The following ZNF776 variants were observed in gnomAD, a reference collection of about 807,000 sequenced individuals.
The protein encoded by ZNF776 is zinc finger protein 776.
A neutral mutation model predicts 7.0 loss-of-function variants in ZNF776; 4 were observed. The observed-to-expected ratio is 0.57, with a 90% confidence interval of 0.28 to 1.31. ZNF776 has a LOEUF of 1.31. Ranked by LOEUF, ZNF776 falls within the 50% of genes most tolerant of loss-of-function variation. The pLI is 0.10. For missense variants in ZNF776, 555 were observed against 625.9 expected (o/e 0.89, Z 1.21); for synonymous variants, 212 against 213.7 (o/e 0.99, Z 0.07).
At chr19:57,748,285 C>T (rs1401878587) in intron 1 of ZNF776, among the ~76,000 whole-genome samples, 6 of 152,076 alleles carry the variant, frequency 3.9e-5, no homozygotes, top group African/African-American at 9.7e-5. Flanking sequence ...ATCAGGATCC[C>T]GAGGTTTTTG....
intron 2 of ZNF776, among the ~76,000 whole-genome samples, 175 bp downstream of exon 2, chr19:57,751,086 C>T (rs761165483): frequency 5.6e-4 from 85 of 152,024 alleles, no homozygotes; most frequent in Non-Finnish European, 9.1e-4. Context: ...ACTGCCCTCT[C>T]TCTCCTTGAG....
rs145557229 is a variant in ZNF776, at chr19:57,751,013, C to T, written c.160+102C>T. ...GTTTTCCTCACTTCAGGAGCCTGGG[C>T]ACAGGTTCCTCTGTTAGTTCCCTGG... On this transcript the variant is annotated intron_variant, in intron 2 of 2. Coordinates refer to ENST00000317178, the MANE Select transcript of ZNF776 (RefSeq NM_173632.4). 1,978 of 1,373,500 alleles carry T rather than the reference C, an allele frequency of 1.4e-3. 3 individuals carry two copies. Among genetic ancestry groups the T allele is most frequent in the Non-Finnish European group, 1.8e-3 (1,830 of 1,033,298 alleles). The allele number at this position is 1,373,500 out of a possible 1,614,324, so 85.1% of individuals were successfully genotyped here.
Position 57,754,217 on chromosome 19 carries a change from C to T in ZNF776, c.1087C>T (p.Leu363Phe), listed in dbSNP as rs1301756220. 6.2e-7 allele frequency: 1 copy of T among 1,614,108 alleles called. No individual in the cohort carries two copies. The highest frequency in any genetic ancestry group is 2.2e-5 in the East Asian group (1 of 44,866). Residue 363 changes from leucine to phenylalanine, a missense_variant, in exon 3 of 3, where the codon CTC becomes TTC. Physicochemically the swap from Leu to Phe is conservative, Grantham distance 22. Coordinates refer to ENST00000317178, the MANE Select transcript of ZNF776 (RefSeq NM_173632.4). ...CGKSFNHKCNLIQHQRVHTGE... is the reference protein window; with the variant it reads ...CGKSFNHKCNFIQHQRVHTGE... ...GAAATCGTTTAATCACAAGTGCAAC[C>T]TCATTCAGCATCAGCGAGTTCACAC...
At chr19:57,752,659 C>T (rs1986642102) in intron 2 of ZNF776, among the ~76,000 whole-genome samples, 1 of 152,136 alleles carries the variant, frequency 6.6e-6, no homozygotes, top group Non-Finnish European at 1.5e-5. Flanking sequence ...TCTGTCTTCC[C>T]CATTCTTGAG....
At position 57,754,500 on chromosome 19, in the gene ZNF776, A is replaced by G; in HGVS notation, c.1370A>G (p.Glu457Gly). 1 of 1,614,222 alleles carries G rather than the reference A, an allele frequency of 6.2e-7. No individual in the cohort carries two copies. The highest frequency in any genetic ancestry group is 1.3e-5 in the African/African-American group (1 of 75,068). ...LIQHQQIHSG[E>G]RPHECGECGK... The stretch of plus-strand genomic sequence containing the variant: ...CAACATCAGCAGATCCACTCTGGAG[A>G]AAGGCCACATGAGTGTGGAGAATGT... The change falls in exon 3 of 3, where the codon GAA (glutamate) becomes GGA (glycine). Residue 457 changes from glutamate to glycine, a missense_variant. By Grantham distance (98) the Glu-to-Gly change is moderately conservative (BLOSUM62 -2). Coordinates refer to ENST00000317178, the MANE Select transcript of ZNF776 (RefSeq NM_173632.4).
Position 57,754,707 on chromosome 19 carries a change from G to A in ZNF776, c.*20G>A. On this transcript the variant is annotated 3_prime_UTR_variant, in exon 3 of 3. Transcript: ENST00000317178. ...TGTTGAAAATTTGGCAGATCTGTTG[G>A]TAAAAAGAGCACCCTCATTCAACAT... The A allele has an allele frequency of 6.3e-7, 1 of 1,598,534 alleles. No homozygotes were observed. Among genetic ancestry groups the A allele is most frequent in the Non-Finnish European group, 8.5e-7 (1 of 1,170,158 alleles).
At position 57,747,110 on chromosome 19, in the gene ZNF776, G is replaced by A; in HGVS notation, c.33+19G>A. On this transcript the variant is annotated intron_variant, in intron 1 of 2. Coordinates refer to ENST00000317178, the MANE Select transcript of ZNF776 (RefSeq NM_173632.4). ...GGCTCAGGTAATTGTGGCGTCTTCC[G>A]TGCCCTCAGGTCACCTCATCTTTAC... 1 of 1,581,576 alleles carries A rather than the reference G, an allele frequency of 6.3e-7. No individual in the cohort carries two copies. Among genetic ancestry groups the A allele is most frequent in the Non-Finnish European group, 8.6e-7 (1 of 1,164,050 alleles).
rs1012891510 is a variant in ZNF776 at position 57,746,834 on chromosome 19, G to T, written c.-225G>T. ...TCTACTAGTGGCCATTTTGATTGGT[G>T]TTGGGTGTATTTTCCAGTGAGAGAC... On this transcript the variant is annotated 5_prime_UTR_variant, in exon 1 of 3. Coordinates refer to ENST00000317178, the MANE Select transcript of ZNF776 (RefSeq NM_173632.4). 2.2e-6 allele frequency: 1 copy of T among 446,824 alleles called. No individual in the cohort carries two copies. The highest frequency in any genetic ancestry group is 4.0e-6 in the Non-Finnish European group (1 of 248,332). 27.7% of individuals were successfully genotyped at this position (446,824 alleles called of 1,614,324 possible).
Position 57,754,287 on chromosome 19 carries a change from G to T in ZNF776, c.1157G>T (p.Arg386Met). 6.2e-7 allele frequency: 1 copy of T among 1,613,966 alleles called. No homozygotes were observed. The highest frequency in any genetic ancestry group is 1.1e-5 in the South Asian group (1 of 91,068). The stretch of plus-strand genomic sequence containing the variant: ...TGTACGGCATGTGGGAAGTTATTTA[G>T]GAGCAACTCCCACCTAAAGGAACAC... Reference protein sequence around the residue: ...FECTACGKLFRSNSHLKEHQR... With the variant: ...FECTACGKLFMSNSHLKEHQR... The change falls in exon 3 of 3, where the codon AGG (arginine) becomes ATG (methionine). Residue 386 changes from arginine (R) to methionine (M), a missense_variant. Arg to Met is a moderately conservative substitution (Grantham distance 91). Coordinates refer to ENST00000317178, the MANE Select transcript of ZNF776 (RefSeq NM_173632.4).
At chr19:57,748,821 C>T (rs1339898448) in intron 1 of ZNF776, among the ~76,000 whole-genome samples, 2 of 152,124 alleles carry the variant, frequency 1.3e-5, no homozygotes, top group African/African-American at 4.8e-5. Flanking sequence ...CAGAGTGGTA[C>T]TTATTCACCA....
chr19:57,749,241 A>G (rs914131365), intron 1 of ZNF776: 9 of 152,300 alleles, frequency 5.9e-5, no homozygotes, highest in African/African-American at 2.2e-4. Flanking sequence ...AAGTGCTAGG[A>G]TTACAGGTGT....
Position 57,747,079 on chromosome 19 carries a change from GC to G in ZNF776, c.26del (p.Pro9ArgfsTer6). MAAAALR[P>X]PAQGTVTFED... ...GTCGGATGGCGGCGGCCGCGCTGAG[GC>G]CCCCGGCTCAGGTAATTGTGGCGTC... On this transcript the variant is annotated frameshift_variant, in exon 1 of 3. Coordinates refer to ENST00000317178, the MANE Select transcript of ZNF776 (RefSeq NM_173632.4). LOFTEE classifies it high-confidence loss of function. 1.9e-6 allele frequency: 3 copies of G among 1,590,916 alleles called. No individual in the cohort carries two copies. Among genetic ancestry groups the G allele is most frequent in the African/African-American group, 1.3e-5 (1 of 74,394 alleles).
intron 2 of ZNF776, 35 bp from the exon 3 acceptor site, chr19:57,753,256 T>C: frequency 6.3e-7 from 1 of 1,585,638 alleles, no homozygotes; most frequent in Non-Finnish European, 8.6e-7. Flanking sequence ...CCTTCGGAAG[T>C]ACCTTGCATT....
intron 2 of ZNF776, 23 bp from the exon 3 acceptor site, chr19:57,753,268 T>C (rs1011222390): frequency 1.3e-6 from 2 of 1,596,346 alleles, no homozygotes; most frequent in East Asian, 2.2e-5. Flanking sequence ...CCTTGCATTT[T>C]ACCAGCATTT....
chr19:57,754,612 A>G lies in ZNF776; in HGVS notation c.1482A>G (p.Gly494=), dbSNP rs752062665. 4.3e-6 allele frequency: 7 copies of G among 1,613,756 alleles called. No homozygotes were observed. Among genetic ancestry groups the G allele is most frequent in the Admixed American group, 1.7e-5 (1 of 59,986 alleles). The change falls in exon 3 of 3, where the codon GGA becomes GGG. Residue 494 remains glycine (G), a synonymous_variant. Coordinates refer to ENST00000317178, the MANE Select transcript of ZNF776 (RefSeq NM_173632.4). The part of the protein sequence containing the change: ...GERPHECGEC[G]KCFRQKGNLI... ...GGCCACATGAGTGTGGAGAATGTGG[A>G]AAGTGTTTTCGTCAAAAGGGAAACC...
intron 2 of ZNF776, among the ~76,000 whole-genome samples, chr19:57,751,217 G>A (rs536724408): frequency 3.3e-5 from 5 of 152,336 alleles, no homozygotes; most frequent in Admixed American, 3.3e-4. Context: ...AGACTGGTAT[G>A]CACAGGTTCT....
rs1246788877 is a variant in ZNF776, at chr19:57,756,258, A to G, written c.*1571A>G. On this transcript the variant is annotated 3_prime_UTR_variant, in exon 3 of 3. Transcript: ENST00000317178. ...ATCTCATGATTGTCATGATTCTTAA[A>G]ATGGAATTTTCCAGCCTCTTAACTC... The G allele has an allele frequency of 9.6e-6, 1 of 103,720 alleles. No homozygotes were observed. Among genetic ancestry groups the G allele is most frequent in the Non-Finnish European group, 1.8e-5 (1 of 54,812 alleles). The allele number at this position is 103,720 out of a possible 1,614,324, so 6.4% of individuals were successfully genotyped here.
rs1986731922 is a variant in ZNF776, at chr19:57,754,893, A to T, written c.*206A>T. 1 of 539,038 alleles carries T rather than the reference A, an allele frequency of 1.9e-6. No homozygotes were observed. Among genetic ancestry groups the T allele is most frequent in the Non-Finnish European group, 3.3e-6 (1 of 305,856 alleles). The allele number at this position is 539,038 out of a possible 1,614,324, so 33.4% of individuals were successfully genotyped here. A position where few individuals can be genotyped will look rare whatever the true frequency, so the allele number is the denominator to read the frequency against. On this transcript the variant is annotated 3_prime_UTR_variant, in exon 3 of 3. Transcript: ENST00000317178. ...CTGTACATAGAAGTTTTGCCTCACCAAATACCAGAAGGGTCACACTGGAGA... is the reference window on the plus strand; with the variant it reads ...CTGTACATAGAAGTTTTGCCTCACCTAATACCAGAAGGGTCACACTGGAGA...
chr19:57,755,722 C>T lies in ZNF776; in HGVS notation c.*1035C>T, dbSNP rs1986758376. 6.6e-6 allele frequency: 1 copy of T among 152,210 alleles called. No homozygotes were observed. Among genetic ancestry groups the T allele is most frequent in the South Asian group, 2.1e-4 (1 of 4,830 alleles). The allele number at this position is 152,210 out of a possible 1,614,324, so 9.4% of individuals were successfully genotyped here. On this transcript the variant is annotated 3_prime_UTR_variant, in exon 3 of 3. Coordinates refer to ENST00000317178, the MANE Select transcript of ZNF776 (RefSeq NM_173632.4). Reference sequence around the variant, plus strand: ...TGGGAGCTGTATTGCATTTCTTATCCTGCGTATGTCCTTGCCAGATTTATT... The same window carrying T: ...TGGGAGCTGTATTGCATTTCTTATCTTGCGTATGTCCTTGCCAGATTTATT...
Sources: allele counts gnomAD v4.1 joint callset (sites outside exome capture counted in the v4.1 genomes callset), GRCh38; gene constraint gnomAD v4.1.1; transcripts MANE v1.5; gene names NCBI Gene and HGNC (gene_info 2026-07-23, HGNC 2026-07-21).